Variants in KIFC3 observed in about 807,000 individuals in gnomAD.
KIFC3 encodes the protein kinesin-like protein KIFC3.
KIFC3 carries 60 observed loss-of-function variants against 101.8 expected under a neutral mutation model. That is an observed-to-expected ratio of 0.59 (90% CI 0.48 to 0.73). KIFC3 has a LOEUF of 0.73. Ranked by LOEUF, KIFC3 falls within the 30% of genes least tolerant of loss-of-function variation. KIFC3 has a pLI of 0.00. For synonymous variants in KIFC3, 476 were observed against 482.7 expected (o/e 0.99, Z 0.18); for missense variants, 966 against 1,137.1 (o/e 0.85, Z 2.16).
Position 57,798,114 on chromosome 16 carries a change from C to A in KIFC3, c.130G>T (p.Ala44Ser). ...GGGCCGGTGTGTGGGAAAGGGCGGG[C>A]GGCCGGGCTGGCTGGGGCTGGGGCG... Reference protein sequence around the residue: ...RPAPAPASPAARPFPHTGPGR... With the variant: ...RPAPAPASPASRPFPHTGPGR... The change falls in exon 2 of 20, where the codon GCC becomes TCC. Residue 44 changes from alanine to serine, a missense_variant. Physicochemically the swap from Ala to Ser is moderately conservative, Grantham distance 99. Coordinates refer to ENST00000445690, the MANE Select transcript of KIFC3 (RefSeq NM_001130100.2). The A allele has an allele frequency of 1.3e-6, 2 of 1,581,546 alleles. No homozygotes were observed. Among genetic ancestry groups the A allele is most frequent in the South Asian group, 1.2e-5 (1 of 86,682 alleles).
chr16:57,774,162 TG>T (rs2051696982), intron 3 of KIFC3: 1 of 152,266 alleles, frequency 6.6e-6, no homozygotes. Flanking sequence ...GCAGAGCTTG[TG>T]CCACTTCTCT....
In KIFC3 at chr16:57,788,798, G is replaced by GCACAC. The variant is rs1251230460; in HGVS notation, c.315+6200_315+6201insGTGTG. On this transcript the variant is annotated intron_variant, in intron 3 of 19. Transcript: ENST00000445690. Reference sequence around the variant, plus strand: ...AGCCAGAGGATGGTGTGCTCCCGGAGCTGGCAAGGATCCCAGGGCCCAGCG... The same window carrying GCACAC: ...AGCCAGAGGATGGTGTGCTCCCGGAGCACACCTGGCAAGGATCCCAGGGCCCAGCG... 4 of 1,234,504 alleles carry GCACAC rather than the reference G, an allele frequency of 3.2e-6. No homozygotes were observed. The East Asian group carries it at 2.3e-4, about 70-fold the overall frequency. 76.5% of individuals were successfully genotyped at this position (1,234,504 alleles called of 1,614,324 possible).
chr16:57,802,829 A>T (rs1024019245), upstream of KIFC3: 1 of 869,986 alleles, frequency 1.1e-6, no homozygotes, highest in Non-Finnish European at 1.8e-6. This position sits in a 1 kb window ranked among gnomAD's most constrained non-coding sequence, Gnocchi z 5.0. Flanking sequence ...CTGGTGAGCC[A>T]TGCGTACTTT....
At chr16:57,760,108 A>G (rs2049654063) in intron 17 of KIFC3, 174 bp downstream of exon 17, 2 of 793,362 alleles carry the variant, frequency 2.5e-6, no homozygotes. Context: ...CCAAGAAGAA[A>G]TACCTGTACT....
rs111478635 is a variant in KIFC3, at chr16:57,762,323, C to T, written c.1618-53G>A. 2.8e-4 allele frequency: 406 copies of T among 1,440,124 alleles called. 1 individual carries two copies. The African/African-American group carries it at 4.6e-3, about 16-fold the overall frequency. The allele number at this position is 1,440,124 out of a possible 1,614,324, so 89.2% of individuals were successfully genotyped here. On this transcript the variant is annotated intron_variant, in intron 12 of 19. Coordinates refer to ENST00000445690, the MANE Select transcript of KIFC3 (RefSeq NM_001130100.2). Reference sequence around the variant, plus strand: ...AGCCAGGCCTGTCCCCAAAGACGCTCGTGTGGTGTCTGTCCCCAAAGCCCC... The same window carrying T: ...AGCCAGGCCTGTCCCCAAAGACGCTTGTGTGGTGTCTGTCCCCAAAGCCCC...
At chr16:57,765,060 G>A (rs1338751027) in intron 11 of KIFC3, among the ~76,000 whole-genome samples, 1 of 151,948 alleles carries the variant, frequency 6.6e-6, no homozygotes, top group Non-Finnish European at 1.5e-5. Flanking sequence ...GGGGCTGTGG[G>A]TGAGGCCATG....
At chr16:57,821,443 G>C (rs1389838724) in intron 1 of KIFC3, among the ~76,000 whole-genome samples, 1 of 152,184 alleles carries the variant, frequency 6.6e-6, no homozygotes, top group Non-Finnish European at 1.5e-5. Flanking sequence ...ACAGAGACCA[G>C]AACAGGGAAG....
At chr16:57,772,375 T>C in intron 3 of KIFC3, 87 bp from the exon 4 acceptor site, 2 of 1,144,742 alleles carry the variant, frequency 1.7e-6, no homozygotes, top group Middle Eastern at 2.0e-4. Flanking sequence ...CAGGGATGAC[T>C]GATGTGGCTG....
chr16:57,857,832 T>C lies in KIFC3; in HGVS notation c.108+4897A>G, dbSNP rs1182814304. ...TTTCTTTCTTTCTTTCTTTTTTTTT[T>C]TTTTTTTTTTTTGAGACAGAGTCTC... On this transcript the variant is annotated intron_variant, in intron 1 of 2. Coordinates refer to the KIFC3 transcript ENST00000563028. 2.9e-4 allele frequency among the ~76,000 whole-genome samples: 40 copies of C among 138,198 alleles called. 1 individual carries two copies. Among genetic ancestry groups the C allele is most frequent in the Non-Finnish European group, 5.9e-4 (38 of 64,204 alleles). The allele number at this position is 138,198 out of a possible 152,430, so 90.7% of individuals were successfully genotyped here. A position where few individuals can be genotyped will look rare whatever the true frequency, so the allele number is the denominator to read the frequency against.
chr16:57,769,820 C>T lies in KIFC3; in HGVS notation c.1075G>A (p.Glu359Lys), dbSNP rs1478735212. Residue 359 changes from glutamate to lysine, a missense_variant, in exon 8 of 20, where the codon GAG (glutamate) becomes AAG (lysine). Physicochemically the swap from Glu to Lys is moderately conservative, Grantham distance 56. This residue lies in a region of KIFC3 where 689 missense variants were observed against 884.6 expected (regional missense o/e 0.78). Transcript: ENST00000445690. The surrounding 1 kb of genome is among the most constrained non-coding windows in gnomAD (Gnocchi z 4.3). ...RAQVEMKAVHENLAGVRTNLL... is the reference protein window; with the variant it reads ...RAQVEMKAVHKNLAGVRTNLL... ...CTGGTCAGCTCACCTGCTAGATTCT[C>T]GTGCACAGCCTTCATCTCCACCTGG... The T allele has an allele frequency of 1.2e-6, 2 of 1,613,472 alleles. No homozygotes were observed. Among genetic ancestry groups the T allele is most frequent in the Non-Finnish European group, 1.7e-6 (2 of 1,179,992 alleles).
intron 3 of KIFC3, chr16:57,775,667 A>G: frequency 1.0e-6 from 1 of 985,590 alleles, no homozygotes; most frequent in Non-Finnish European, 1.2e-6. Context: ...CATGTCTCTA[A>G]GCCCAACAGG....
chr16:57,797,615 C>T, intron 2 of KIFC3: 1 of 907,066 alleles, frequency 1.1e-6, no homozygotes, highest in Non-Finnish European at 1.4e-6. Flanking sequence ...TCCCGAGCAG[C>T]CTCGGTCCAC....
At chr16:57,812,458 C>A (rs941435305) in intron 1 of KIFC3, among the ~76,000 whole-genome samples, 2 of 151,978 alleles carry the variant, frequency 1.3e-5, no homozygotes, top group African/African-American at 4.8e-5. Flanking sequence ...CTCTAAGCAG[C>A]CTCACTCCAG....
chr16:57,813,189 G>A lies in KIFC3; in HGVS notation c.109-14907C>T, dbSNP rs186924103. Among the ~76,000 whole-genome samples, 548 of 152,152 alleles carry A rather than the reference G, an allele frequency of 3.6e-3. 8 individuals are homozygous for A. The highest frequency in any genetic ancestry group is 4.5e-3 in the Admixed American group (69 of 15,280). ...CTGAAAATACAAAAATTAGTTGGGC[G>A]TAGTGGTGCACGCCTGTGATCCCAG... On this transcript the variant is annotated intron_variant, in intron 1 of 2. Transcript: ENST00000563028.
chr16:57,781,876 C>T (rs1455206520), intron 3 of KIFC3: 17 of 958,886 alleles, frequency 1.8e-5, no homozygotes, highest in South Asian at 4.8e-5. Flanking sequence ...GACCTAGGAC[C>T]GGAACTCGCA....
At chr16:57,766,815 T>C in intron 10 of KIFC3, 59 bp downstream of exon 10, 1 of 1,221,626 alleles carries the variant, frequency 8.2e-7, no homozygotes, top group Non-Finnish European at 1.2e-6. Flanking sequence ...CAAGCATGAC[T>C]GCCAAGCCAG....
At chr16:57,759,622 G>C (rs1208827398) in intron 18 of KIFC3, 106 bp downstream of exon 18, 1 of 844,510 alleles carries the variant, frequency 1.2e-6, no homozygotes, top group Admixed American at 2.9e-5. Context: ...GAAGGTGTAA[G>C]AACTTTTTAA....
upstream of KIFC3, chr16:57,802,658 T>G: frequency 1.1e-6 from 1 of 931,704 alleles, no homozygotes; most frequent in Non-Finnish European, 1.4e-6. This position sits in a 1 kb window ranked among gnomAD's most constrained non-coding sequence, Gnocchi z 5.0. Flanking sequence ...GCACTCCCAC[T>G]CCCACTCCCA....
In KIFC3 at chr16:57,788,574, C is replaced by T. The variant is rs565891697; in HGVS notation, c.315+6425G>A. ...CGGTTTGGCGGGCAGGCCTGCTTTA[C>T]CTGTATTCTCTACATTCATGGTGCC... On this transcript the variant is annotated intron_variant, in intron 3 of 19. Transcript: ENST00000445690. 5.6e-5 allele frequency: 72 copies of T among 1,288,162 alleles called. No homozygotes were observed. The Admixed American group carries it at 1.5e-3, about 26-fold the overall frequency. 79.8% of individuals were successfully genotyped at this position (1,288,162 alleles called of 1,614,324 possible). A position where few individuals can be genotyped will look rare whatever the true frequency, so the allele number is the denominator to read the frequency against.
Sources: allele counts gnomAD v4.1 joint callset (sites outside exome capture counted in the v4.1 genomes callset), GRCh38; gene constraint gnomAD v4.1.1; regional missense constraint gnomAD v4.1.1; non-coding constraint Gnocchi (gnomAD v3.1); transcripts MANE v1.5; gene names NCBI Gene and HGNC (gene_info 2026-07-23, HGNC 2026-07-21).